SCN1A: variants seen among roughly 807,000 people sequenced by gnomAD.
SCN1A encodes the protein sodium channel protein type 1 subunit alpha.
In SCN1A, 13 loss-of-function variants were observed where a neutral mutation model predicts 193.7. That is an observed-to-expected ratio of 0.07 (90% CI 0.04 to 0.11). SCN1A has a LOEUF of 0.11. Ranked by LOEUF, SCN1A falls within the 10% of genes least tolerant of loss-of-function variation. SCN1A has a pLI of 1.00. For synonymous variants in SCN1A, 781 were observed against 843.6 expected (o/e 0.93, Z 1.29); for missense variants, 1,432 against 2,451.1 (o/e 0.58, Z 8.78).
chr2:166,013,695 G>C, intron 21 of SCN1A, 49 bp downstream of exon 21: 7 of 1,537,164 alleles, frequency 4.6e-6, no homozygotes, highest in Non-Finnish European at 6.3e-6. Context: ...ATCAGTATTA[G>C]AGTGTTCTAA....
At position 166,037,811 on chromosome 2, in the gene SCN1A, C is replaced by T. The variant is rs748816300; in HGVS notation, c.2911G>A (p.Val971Ile). The T allele has an allele frequency of 2.5e-6, 4 of 1,614,112 alleles. No individual in the cohort carries two copies. In the East Asian group the frequency reaches 8.9e-5, roughly 36 times the overall value. The change falls in exon 18 of 29, where the codon GTC (valine) becomes ATC (isoleucine). Residue 971 changes from valine to isoleucine, a missense_variant. Val to Ile is a conservative substitution (Grantham distance 29). Coordinates refer to ENST00000674923, the MANE Select transcript of SCN1A (RefSeq NM_001165963.4). ...EVAGQAMCLT[V>I]FMMVMVIGNL... Reference sequence around the variant, plus strand: ...CCAATCACCATGACCATCATGAAGACAGTAAGGCACATGGCTTGACCAGCA... The same window carrying T: ...CCAATCACCATGACCATCATGAAGATAGTAAGGCACATGGCTTGACCAGCA...
intron 23 of SCN1A, among the ~76,000 whole-genome samples, chr2:166,006,158 A>G (rs748405765): frequency 6.6e-6 from 1 of 151,360 alleles, no homozygotes; most frequent in Non-Finnish European, 1.5e-5. Flanking sequence ...ATAGAAATAA[A>G]GAAAATCTAT....
intron 19 of SCN1A, among the ~76,000 whole-genome samples, chr2:166,017,829 T>G (rs918448573): frequency 6.6e-6 from 1 of 152,030 alleles, no homozygotes; most frequent in Non-Finnish European, 1.5e-5. Context: ...CTACCTTCTA[T>G]ATATATAATT....
Position 166,036,140 on chromosome 2 carries a change from C to T in SCN1A, c.3337G>A (p.Val1113Met), listed in dbSNP as rs1331336011. 6.2e-7 allele frequency: 1 copy of T among 1,614,000 alleles called. No individual in the cohort carries two copies. Among genetic ancestry groups the T allele is most frequent in the Non-Finnish European group, 8.5e-7 (1 of 1,179,938 alleles). ...MSFINNPSLT[V>M]TVPIAVGESD... Reference sequence around the variant, plus strand: ...TCTCCTACAGCAATTGGTACAGTCACAGTAAGACTGGGGTTGTTTATGAAT... The same window carrying T: ...TCTCCTACAGCAATTGGTACAGTCATAGTAAGACTGGGGTTGTTTATGAAT... Residue 1113 changes from valine to methionine, a missense_variant, in exon 19 of 29, where the codon GTG (valine) becomes ATG (methionine). Around this residue, in one of 18 missense-constraint regions of SCN1A, gnomAD observed 198 missense variants for 225.8 expected, o/e 0.88. Coordinates refer to ENST00000674923, the MANE Select transcript of SCN1A (RefSeq NM_001165963.4).
At chr2:166,015,848 A>G in intron 19 of SCN1A, 121 bp from the exon 20 acceptor site, 1 of 1,064,190 alleles carries the variant, frequency 9.4e-7, no homozygotes, top group Non-Finnish European at 1.4e-6. Flanking sequence ...ATATTTTTAG[A>G]GAAAAAGAGA....
At chr2:166,113,244 C>T (rs1363339516) in intron 2 of SCN1A, among the ~76,000 whole-genome samples, 1 of 152,078 alleles carries the variant, frequency 6.6e-6, no homozygotes, top group African/African-American at 2.4e-5. Flanking sequence ...AAACGACCCA[C>T]ATATTTGATG....
At chr2:166,105,436 C>T (rs1177654372) in intron 2 of SCN1A, among the ~76,000 whole-genome samples, 1 of 152,200 alleles carries the variant, frequency 6.6e-6, no homozygotes, top group African/African-American at 2.4e-5. Context: ...TGTAGTTATG[C>T]TTCAGTGAAA....
intron 23 of SCN1A, among the ~76,000 whole-genome samples, chr2:166,008,331 C>A (rs1691934950): frequency 6.6e-6 from 1 of 151,004 alleles, no homozygotes; most frequent in Non-Finnish European, 1.5e-5. Flanking sequence ...ATAATATTTT[C>A]AAATGTTTAG....
chr2:166,009,896 G>A, intron 22 of SCN1A, 55 bp from the exon 23 acceptor site: 1 of 1,523,164 alleles, frequency 6.6e-7, no homozygotes. Flanking sequence ...TCAATGTGTA[G>A]TTGCTATATA....
At chr2:166,117,699 A>C (rs1261805566) in intron 2 of SCN1A, among the ~76,000 whole-genome samples, 1 of 152,242 alleles carries the variant, frequency 6.6e-6, no homozygotes, top group Non-Finnish European at 1.5e-5. Flanking sequence ...TGCTAAAATC[A>C]CATTAAGAAT....
chr2:166,020,926 C>A (rs1231932306), intron 19 of SCN1A, among the ~76,000 whole-genome samples: 1 of 152,104 alleles, frequency 6.6e-6, no homozygotes, highest in Admixed American at 6.5e-5. Context: ...TGGAACAAGG[C>A]ACCTAAAGTG....
At chr2:166,001,853 A>C (rs1268573519) in intron 24 of SCN1A, among the ~76,000 whole-genome samples, 1 of 126,356 alleles carries the variant, frequency 7.9e-6, no homozygotes, top group Non-Finnish European at 1.7e-5. Flanking sequence ...TTTTGTTTCT[A>C]GTTGCTTCCA....
At chr2:166,133,716 GACACTA>G (rs1297859681) in intron 1 of SCN1A, 2 of 152,044 alleles carry the variant, frequency 1.3e-5, no homozygotes, top group Non-Finnish European at 2.9e-5. Flanking sequence ...TAGTGAAGAT[GACACTA>G]AATGTCGTTT....
Position 166,073,535 on chromosome 2 carries a change from A to C in SCN1A, c.87T>G (p.Ile29Met). 8.1e-6 allele frequency: 13 copies of C among 1,614,134 alleles called. No homozygotes were observed. Among genetic ancestry groups the C allele is most frequent in the Non-Finnish European group, 1.0e-5 (12 of 1,180,020 alleles). The change falls in exon 4 of 29, where the codon ATT (isoleucine) becomes ATG (methionine). Residue 29 changes from isoleucine (I) to methionine (M), a missense_variant. Coordinates refer to ENST00000674923, the MANE Select transcript of SCN1A (RefSeq NM_001165963.4). ...TGGGATTCTTTGCCTTTTCTTCTGCAATGCGTCTTTCAATAGCCGCAAGAG... is the reference window on the plus strand; with the variant it reads ...TGGGATTCTTTGCCTTTTCTTCTGCCATGCGTCTTTCAATAGCCGCAAGAG... ...RESLAAIERR[I>M]AEEKAKNPKP...
chr2:166,030,025 A>G (rs926079121), intron 19 of SCN1A, among the ~76,000 whole-genome samples: 2 of 152,186 alleles, frequency 1.3e-5, no homozygotes, highest in African/African-American at 4.8e-5. Flanking sequence ...CTGTTAACCT[A>G]TGCCCAATGT....
chr2:166,029,440 T>A (rs1695248574), intron 19 of SCN1A, among the ~76,000 whole-genome samples: 1 of 152,006 alleles, frequency 6.6e-6, no homozygotes, highest in South Asian at 2.1e-4. Flanking sequence ...TTAGAAGTAG[T>A]GGAGATAGTA....
At chr2:166,056,299 T>C in intron 6 of SCN1A, 112 bp downstream of exon 6, 1 of 738,908 alleles carries the variant, frequency 1.4e-6, no homozygotes, top group Non-Finnish European at 2.4e-6. Flanking sequence ...CGTAATTTTG[T>C]CTAGGAATGA....
chr2:166,115,064 C>A (rs1689700607), intron 2 of SCN1A, among the ~76,000 whole-genome samples: 1 of 151,994 alleles, frequency 6.6e-6, no homozygotes, highest in African/African-American at 2.4e-5. Flanking sequence ...CAAGCAAAGA[C>A]CAAAGAATGC....
At chr2:166,049,689 A>G (rs1447654774) in intron 9 of SCN1A, among the ~76,000 whole-genome samples, 2 of 152,048 alleles carry the variant, frequency 1.3e-5, no homozygotes, top group Non-Finnish European at 2.9e-5. Flanking sequence ...CTTTCTTTCT[A>G]CTAAATATTG....
Sources: gnomAD v4.1 joint callset for allele counts (sites outside exome capture counted in the v4.1 genomes callset) on GRCh38, gnomAD v4.1.1 for gene constraint, gnomAD v4.1.1 regional missense constraint, MANE v1.5 for transcripts, NCBI Gene and HGNC (gene_info 2026-07-23, HGNC 2026-07-21) for gene names.